TBC1D5: variants seen among roughly 807,000 people sequenced by gnomAD.
The protein encoded by TBC1D5 is TBC1 domain family member 5, also known as TBC1 domain family, member 5.
TBC1D5 carries 75 observed loss-of-function variants against 100.3 expected under a neutral mutation model. That is an observed-to-expected ratio of 0.75 (90% CI 0.62 to 0.91). The LOEUF is 0.91. TBC1D5 is among the 40% of genes least tolerant of loss of function. TBC1D5 has a pLI of 0.00. For synonymous variants in TBC1D5, 323 were observed against 325.6 expected, an observed-to-expected ratio of 0.99 and a Z score of 0.09; for missense variants, 910 against 942.4, an observed-to-expected ratio of 0.97 and a Z score of 0.45.
chr3:17,239,232 C>T (rs1020669334), intron 16 of TBC1D5, among the ~76,000 whole-genome samples: 1 of 152,170 alleles, frequency 6.6e-6, no homozygotes, highest in African/African-American at 2.4e-5. Context: ...GTAGCAGCAT[C>T]TACCCATAGT....
chr3:17,598,254 C>A (rs1234435747), intron 2 of TBC1D5, among the ~76,000 whole-genome samples: 1 of 152,174 alleles, frequency 6.6e-6, no homozygotes, highest in East Asian at 1.9e-4. Context: ...AGGCATAAGG[C>A]ATGGGAGTTT....
chr3:17,383,654 CA>C (rs1404670608), intron 9 of TBC1D5, among the ~76,000 whole-genome samples: 1 of 151,932 alleles, frequency 6.6e-6, no homozygotes, highest in Non-Finnish European at 1.5e-5. Context: ...TGTTTATAAA[CA>C]AACTCCCAGA....
At chr3:17,478,007 G>C (rs1017091348) in intron 3 of TBC1D5, among the ~76,000 whole-genome samples, 10 of 152,204 alleles carry the variant, frequency 6.6e-5, no homozygotes, top group African/African-American at 2.4e-4. Flanking sequence ...ACTCTCTCTA[G>C]AAATGTGATT....
intron 2 of TBC1D5, among the ~76,000 whole-genome samples, chr3:17,587,431 C>T (rs992241028): frequency 3.3e-5 from 5 of 151,916 alleles, no homozygotes; most frequent in Non-Finnish European, 5.9e-5. Flanking sequence ...AACTGAAAAA[C>T]ATGACAACAG....
At chr3:17,310,542 C>T (rs79059597) in intron 13 of TBC1D5, among the ~76,000 whole-genome samples, 2,744 of 152,062 alleles carry the variant, frequency 0.018, 84 homozygotes, top group African/African-American at 0.062. Context: ...GTAAAGACCT[C>T]TATACACTTT....
At chr3:17,368,987 A>T (rs1200915321) in intron 13 of TBC1D5, among the ~76,000 whole-genome samples, 1 of 152,224 alleles carries the variant, frequency 6.6e-6, no homozygotes, top group Non-Finnish European at 1.5e-5. Flanking sequence ...AGGAATAAAC[A>T]GTAGCACAGC....
At chr3:17,617,816 T>G (rs2062306461) in intron 2 of TBC1D5, among the ~76,000 whole-genome samples, 1 of 152,200 alleles carries the variant, frequency 6.6e-6, no homozygotes, top group Non-Finnish European at 1.5e-5. Context: ...TTTCAAGGTT[T>G]TTAGCTTCCT....
intron 2 of TBC1D5, among the ~76,000 whole-genome samples, chr3:17,608,229 C>T (rs868497071): frequency 3.3e-5 from 5 of 152,074 alleles, no homozygotes; most frequent in South Asian, 2.1e-4. Flanking sequence ...TGCACTCCAG[C>T]CCAGACAACA....
chr3:17,619,093 G>C (rs2062432223), intron 2 of TBC1D5, among the ~76,000 whole-genome samples: 1 of 151,970 alleles, frequency 6.6e-6, no homozygotes, highest in African/African-American at 2.4e-5. Flanking sequence ...AAATATTTAG[G>C]AATAAACAGA....
chr3:17,446,787 C>T (rs925932206), intron 3 of TBC1D5, among the ~76,000 whole-genome samples: 13 of 152,048 alleles, frequency 8.5e-5, no homozygotes, highest in African/African-American at 2.2e-4. Context: ...CTGGCGAACA[C>T]GGTGAAACCC....
intron 13 of TBC1D5, among the ~76,000 whole-genome samples, chr3:17,349,056 T>C (rs1280312468): frequency 6.6e-6 from 1 of 151,826 alleles, no homozygotes; most frequent in African/African-American, 2.4e-5. Context: ...ATAGGTGGAG[T>C]TGAAAATGAG....
chr3:17,200,542 G>A (rs541395814), intron 18 of TBC1D5, among the ~76,000 whole-genome samples: 1 of 152,358 alleles, frequency 6.6e-6, no homozygotes, highest in South Asian at 2.1e-4. Context: ...GTTTGATCCT[G>A]AAACCATGCC....
intron 1 of TBC1D5, chr3:17,665,096 T>C (rs2067112147): frequency 7.1e-6 from 1 of 140,370 alleles, no homozygotes; most frequent in African/African-American, 2.6e-5. Flanking sequence ...GGAGGAAGCA[T>C]CTCAGTGGCA....
chr3:17,706,000 C>T (rs2074102926), intron 1 of TBC1D5: 4 of 1,415,862 alleles, frequency 2.8e-6, no homozygotes, highest in Non-Finnish European at 3.8e-6. Flanking sequence ...TTTTTTGAGA[C>T]GGAGTCTTGC....
At chr3:17,490,266 G>C (rs879144197) in intron 3 of TBC1D5, among the ~76,000 whole-genome samples, 1 of 151,858 alleles carries the variant, frequency 6.6e-6, no homozygotes, top group East Asian at 1.9e-4. Flanking sequence ...TGGAGATATT[G>C]CAAAAATTTT....
At chr3:17,681,586 A>C (rs949369266) in intron 1 of TBC1D5, among the ~76,000 whole-genome samples, 1 of 151,710 alleles carries the variant, frequency 6.6e-6, no homozygotes, top group South Asian at 2.1e-4. Context: ...CAAAACTGCC[A>C]ACTTTATCAA....
Position 17,461,452 on chromosome 3 carries a change from T to C in TBC1D5, c.98-32933A>G, listed in dbSNP as rs534108489. ...GTTCTGCAATGCTTTAAGCTACTTATATTACTTTTCATTTGCAAAGCCATC... is the reference window on the plus strand; with the variant it reads ...GTTCTGCAATGCTTTAAGCTACTTACATTACTTTTCATTTGCAAAGCCATC... On this transcript the variant is annotated intron_variant, in intron 3 of 21. Coordinates refer to ENST00000253692, the Ensembl canonical transcript of TBC1D5. 1.3e-4 allele frequency among the ~76,000 whole-genome samples: 20 copies of C among 152,332 alleles called. No individual in the cohort carries two copies. In the East Asian group the frequency reaches 3.7e-3, roughly 28 times the overall value.
chr3:17,644,687 T>C (rs1246348081), intron 1 of TBC1D5, among the ~76,000 whole-genome samples: 1 of 152,154 alleles, frequency 6.6e-6, no homozygotes, highest in Non-Finnish European at 1.5e-5. Context: ...TGTGGAAATA[T>C]ATTCCTAAAC....
intron 17 of TBC1D5, among the ~76,000 whole-genome samples, chr3:17,223,589 G>A (rs777821899): frequency 3.3e-5 from 5 of 152,122 alleles, no homozygotes; most frequent in Admixed American, 6.5e-5. Flanking sequence ...GGCGGGGTGC[G>A]GTGGCTCACA....
Sources: gnomAD v4.1 joint callset for allele counts (sites outside exome capture counted in the v4.1 genomes callset) on GRCh38, gnomAD v4.1.1 for gene constraint, MANE v1.5 for transcripts, NCBI Gene and HGNC (gene_info 2026-07-23, HGNC 2026-07-21) for gene names.